Variants in ASGR1 observed in about 807,000 individuals in gnomAD.
ASGR1 encodes the protein asialoglycoprotein receptor 1, also known as C-type lectin domain family 4 member H1.
A neutral mutation model predicts 33.1 loss-of-function variants in ASGR1; 35 were observed. The ratio of observed to expected loss-of-function variants is 1.06; its 90% confidence interval spans 0.81 to 1.40. The LOEUF is 1.40. Ranked by LOEUF, ASGR1 falls within the 40% of genes most tolerant of loss-of-function variation. The pLI, the probability that ASGR1 is intolerant of heterozygous loss-of-function variation, is 0.00. For missense variants in ASGR1, 396 were observed against 373.7 expected (o/e 1.06, Z -0.49); for synonymous variants, 142 against 152.5 (o/e 0.93, Z 0.51).
intron 1 of ASGR1, 40 bp from the exon 2 acceptor site, chr17:7,178,628 C>A: frequency 6.8e-7 from 1 of 1,474,538 alleles, no homozygotes. Context: ...TGGGGGCTCA[C>A]CAGGACTAGA....
rs367735079 is a variant in ASGR1, at chr17:7,175,371, CCAAA to C, written c.356-915_356-912del. 1.1e-3 allele frequency among the ~76,000 whole-genome samples: 158 copies of C among 148,126 alleles called. 1 individual carries two copies. The highest frequency in any genetic ancestry group is 7.7e-4 in the African/African-American group (31 of 40,240). On this transcript the variant is annotated intron_variant, in intron 5 of 8. Coordinates refer to ENST00000269299, the MANE Select transcript of ASGR1 (RefSeq NM_001671.5). ...ACACACACACACAACACACCCTCACCCAAACACACACAAAAACCACAACACACCC... is the reference window on the plus strand; with the variant it reads ...ACACACACACACAACACACCCTCACCCACACACAAAAACCACAACACACCC...
chr17:7,175,542 T>C (rs183824269), intron 5 of ASGR1, among the ~76,000 whole-genome samples: 1 of 150,888 alleles, frequency 6.6e-6, no homozygotes, highest in Non-Finnish European at 1.5e-5. Flanking sequence ...GCACACACAA[T>C]GCACATTCAC....
rs1280483017 is a variant in ASGR1 at position 7,173,851 on chromosome 17, T to A, written c.702-18A>T. 5 of 1,608,274 alleles carry A rather than the reference T, an allele frequency of 3.1e-6. No individual in the cohort carries two copies. On this transcript the variant is annotated intron_variant, in intron 8 of 8. Coordinates refer to ENST00000269299, the MANE Select transcript of ASGR1 (RefSeq NM_001671.5). The surrounding 1 kb of genome is among the most constrained non-coding windows in gnomAD (Gnocchi z 4.7). ...TCCAGTTCCTGGGGACAGAGCCAGC[T>A]GTGGGCCCCAGGAGGTCGGATCCGC...
At chr17:7,178,123 C>T (rs996837018) in intron 2 of ASGR1, 6 of 299,280 alleles carry the variant, frequency 2.0e-5, no homozygotes, top group African/African-American at 1.1e-4. Flanking sequence ...GACACACACA[C>T]GCACACGCTC....
At chr17:7,175,945 AACAC>A (rs1002982848) in intron 5 of ASGR1, among the ~76,000 whole-genome samples, 1 of 145,956 alleles carries the variant, frequency 6.9e-6, no homozygotes, top group African/African-American at 2.6e-5. Context: ...CCACACACGC[AACAC>A]ACACTAACAC....
intron 5 of ASGR1, 73 bp downstream of exon 5, chr17:7,176,757 C>G (rs1567794015): frequency 1.9e-6 from 3 of 1,576,516 alleles, no homozygotes; most frequent in Non-Finnish European, 2.6e-6. Flanking sequence ...CACACTCACA[C>G]TTTCTCACAC....
intron 5 of ASGR1, among the ~76,000 whole-genome samples, chr17:7,175,870 C>T: frequency 9.7e-6 from 1 of 103,432 alleles, no homozygotes; most frequent in Non-Finnish European, 1.7e-5. Context: ...TCCCACTCCT[C>T]ACACACAGTC....
intron 5 of ASGR1, among the ~76,000 whole-genome samples, chr17:7,175,719 A>G (rs1467281508): frequency 6.7e-6 from 1 of 149,770 alleles, no homozygotes; most frequent in Non-Finnish European, 1.5e-5. Flanking sequence ...TCACACACAT[A>G]AACACACAGA....
intron 5 of ASGR1, among the ~76,000 whole-genome samples, chr17:7,176,025 T>C: frequency 9.2e-6 from 1 of 109,130 alleles, no homozygotes; most frequent in South Asian, 2.9e-4. Flanking sequence ...CTCACACTCG[T>C]ACACACACCC....
Position 7,178,475 on chromosome 17 carries a change from A to C in ASGR1, c.70+19T>G, listed in dbSNP as rs1354130325. The C allele has an allele frequency of 6.2e-7, 1 of 1,612,406 alleles. No homozygotes were observed. Among genetic ancestry groups the C allele is most frequent in the Non-Finnish European group, 8.5e-7 (1 of 1,178,524 alleles). On this transcript the variant is annotated intron_variant, in intron 2 of 8. Coordinates refer to ENST00000269299, the MANE Select transcript of ASGR1 (RefSeq NM_001671.5). ...CGCCAAATTCTCGCCTTGCAGAGGC[A>C]GGGCAAGGTGGCCCTCACCTTTTCT...
In ASGR1 at chr17:7,177,354, C is replaced by T. The variant is rs1334181978; in HGVS notation, c.71-28G>A. 1.1e-5 allele frequency: 18 copies of T among 1,597,142 alleles called. No individual in the cohort carries two copies. In the Admixed American group the frequency reaches 3.0e-4, roughly 27 times the overall value. ...GCAAGAGGAGGGGGTGTCAGGAGCG[C>T]GGGGACAGAGGGGACCCTGGCACAG... is the stretch of plus-strand genomic sequence containing the variant. On this transcript the variant is annotated intron_variant, in intron 2 of 8. Transcript: ENST00000269299.
At chr17:7,178,717 TCTTTTTCTTTTTTTTC>T in intron 1 of ASGR1, 129 bp from the exon 2 acceptor site, 1 of 549,760 alleles carries the variant, frequency 1.8e-6, no homozygotes, top group South Asian at 3.2e-5. Context: ...TTCTTTCTTT[TCTTTTTCTTTTTTTTC>T]TTTTCTTTTT....
rs775139544 is a variant in ASGR1, at chr17:7,174,219, G to C, written c.513C>G (p.Ser171=). 7 of 1,614,082 alleles carry C rather than the reference G, an allele frequency of 4.3e-6. No individual in the cohort carries two copies. Among genetic ancestry groups the C allele is most frequent in the Non-Finnish European group, 5.9e-6 (7 of 1,180,032 alleles). Reference sequence around the variant, plus strand: ...TGTCGGCGTCAGCCCAGGCCTTCCCGGAGCGAGAGAACCAGTAGCAGCTGC... The same window carrying C: ...TGTCGGCGTCAGCCCAGGCCTTCCCCGAGCGAGAGAACCAGTAGCAGCTGC... ...HERSCYWFSR[S]GKAWADADNY... Residue 171 remains serine, a synonymous_variant, in exon 7 of 9, where the codon TCC becomes TCG. Coordinates refer to ENST00000269299, the MANE Select transcript of ASGR1 (RefSeq NM_001671.5).
In ASGR1 at chr17:7,173,899, C is replaced by T; in HGVS notation, c.701+62G>A. 6.2e-7 allele frequency: 1 copy of T among 1,610,656 alleles called. No homozygotes were observed. Among genetic ancestry groups the T allele is most frequent in the Non-Finnish European group, 8.5e-7 (1 of 1,178,804 alleles). ...CGCAGGCGGGTCGCTCCAGACTCCT[C>T]AGCCCAGGGCCCCAGGGCGCGAAGG... On this transcript the variant is annotated intron_variant, in intron 8 of 8. Transcript: ENST00000269299. The surrounding 1 kb of genome is among the most constrained non-coding windows in gnomAD (Gnocchi z 4.7).
intron 5 of ASGR1, among the ~76,000 whole-genome samples, chr17:7,175,319 C>G (rs369104064): frequency 0.014 from 1,921 of 140,300 alleles, 32 homozygotes; most frequent in African/African-American, 0.054. Context: ...CACCTTCACC[C>G]ACGACACACA....
intron 1 of ASGR1, 152 bp from the exon 2 acceptor site, chr17:7,178,740 T>TTC (rs2069245608): frequency 7.3e-6 from 2 of 273,124 alleles, no homozygotes; most frequent in East Asian, 1.0e-4. Flanking sequence ...TTTCTTTTCT[T>TTC]TTTTTTTTTT....
rs754165241 is a variant in ASGR1, at chr17:7,176,936, CCCCCAG to C, written c.283+39_284-36del. ...AGGCTCGCTCAGCGTTCCCGACAGC[CCCCCAG>C]CCCCAGCCCCAGCCCCAGCCCCGCC... On this transcript the variant is annotated intron_variant, in intron 4 of 8. Transcript: ENST00000269299. The C allele has an allele frequency of 5.7e-4, 919 of 1,608,150 alleles. 1 individual carries two copies. In the Middle Eastern group the frequency reaches 7.6e-3, roughly 13 times the overall value.
intron 5 of ASGR1, 105 bp downstream of exon 5, chr17:7,176,725 C>G: frequency 6.6e-7 from 1 of 1,509,616 alleles, no homozygotes; most frequent in Non-Finnish European, 9.0e-7. Context: ...CACACTCCCT[C>G]TCATTCTCAC....
intron 2 of ASGR1, 95 bp from the exon 3 acceptor site, chr17:7,177,421 T>C: frequency 1.0e-6 from 1 of 976,946 alleles, no homozygotes; most frequent in Non-Finnish European, 1.5e-6. Flanking sequence ...GCGGCCCTAG[T>C]AGTCTAGGAG....
Sources: allele counts gnomAD v4.1 joint callset (sites outside exome capture counted in the v4.1 genomes callset), GRCh38; gene constraint gnomAD v4.1.1; non-coding constraint Gnocchi (gnomAD v3.1); transcripts MANE v1.5; gene names NCBI Gene and HGNC (gene_info 2026-07-23, HGNC 2026-07-21).